The following UGP2 variants were observed in gnomAD, a reference collection of about 807,000 sequenced individuals.
UGP2 encodes UDP-glucose pyrophosphorylase 2.
Under a neutral mutation model 49.0 loss-of-function variants are expected in UGP2, and 40 were observed. The observed-to-expected ratio is 0.82, with a 90% CI of 0.63 to 1.06. The LOEUF (loss-of-function observed/expected upper bound fraction) is 1.06. Ranked by LOEUF, UGP2 falls within the 50% of genes least tolerant of loss-of-function variation. The probability of loss-of-function intolerance (pLI) is 0.00; values close to 1 mark genes in which losing one functional copy is unlikely to be tolerated. For missense variants in UGP2, 460 were observed against 603.5 expected, an observed-to-expected ratio of 0.76 and a Z score of 2.49; for synonymous variants, 225 against 213.0, an observed-to-expected ratio of 1.06 and a Z score of -0.49.
intron 3 of UGP2, among the ~76,000 whole-genome samples, chr2:63,863,934 A>G (rs1286861334): frequency 6.6e-6 from 1 of 152,224 alleles, no homozygotes; most frequent in Non-Finnish European, 1.5e-5. Flanking sequence ...TATTTAAGAC[A>G]AGTGTCTTCA....
At chr2:63,844,010 G>A (rs1004560822) in intron 1 of UGP2, among the ~76,000 whole-genome samples, 1 of 152,184 alleles carries the variant, frequency 6.6e-6, no homozygotes, top group Non-Finnish European at 1.5e-5. Flanking sequence ...GTCCTCCTGC[G>A]TTAGCCTCCT....
At chr2:63,845,270 G>A (rs906346160) in intron 1 of UGP2, among the ~76,000 whole-genome samples, 7 of 152,160 alleles carry the variant, frequency 4.6e-5, no homozygotes, top group African/African-American at 1.4e-4. Flanking sequence ...TAAAAATTGG[G>A]CAGTAATGCT....
chr2:63,869,829 G>GT (rs1178811745), intron 3 of UGP2, among the ~76,000 whole-genome samples: 13 of 151,972 alleles, frequency 8.6e-5, no homozygotes, highest in African/African-American at 3.1e-4. Context: ...TTTTGCCTTT[G>GT]GACTGTGAGG....
At chr2:63,885,096 C>T (rs1490442624) in intron 5 of UGP2, among the ~76,000 whole-genome samples, 1 of 146,810 alleles carries the variant, frequency 6.8e-6, no homozygotes, top group East Asian at 2.1e-4. Context: ...TCCTCTTGCC[C>T]CATCACCAGC....
chr2:63,847,934 AAGTT>A (rs954637734), intron 1 of UGP2, among the ~76,000 whole-genome samples: 3 of 152,202 alleles, frequency 2.0e-5, no homozygotes, highest in African/African-American at 7.2e-5. Flanking sequence ...AGTTCTCAGA[AAGTT>A]AGCAATATTA....
chr2:63,841,482 A>G (rs770610384), upstream of UGP2, among the ~76,000 whole-genome samples: 16 of 152,000 alleles, frequency 1.1e-4, no homozygotes, highest in Non-Finnish European at 2.1e-4. Flanking sequence ...GGGGAGGGGC[A>G]GCGTAGCCTT....
At chr2:63,842,383 G>T in intron 1 of UGP2, 179 bp downstream of exon 1, 7 of 1,597,996 alleles carry the variant, frequency 4.4e-6, no homozygotes, top group Non-Finnish European at 5.9e-6. Flanking sequence ...TTCCAGACGC[G>T]TATAATTTAT....
chr2:63,843,957 A>G (rs1671755181), intron 1 of UGP2, among the ~76,000 whole-genome samples: 2 of 152,186 alleles, frequency 1.3e-5, no homozygotes, highest in Non-Finnish European at 2.9e-5. Flanking sequence ...ATTCACAGGA[A>G]CAATCATAGT....
intron 1 of UGP2, among the ~76,000 whole-genome samples, chr2:63,851,971 T>C (rs1446451464): frequency 1.3e-5 from 2 of 152,166 alleles, no homozygotes; most frequent in Admixed American, 1.3e-4. Flanking sequence ...AAATACTATC[T>C]TTTCTCATGT....
At chr2:63,865,272 G>A (rs1670104894) in intron 3 of UGP2, among the ~76,000 whole-genome samples, 1 of 152,160 alleles carries the variant, frequency 6.6e-6, no homozygotes, top group African/African-American at 2.4e-5. Flanking sequence ...AATGTAAGAG[G>A]CCGTTTAGTT....
chr2:63,853,505 T>A (rs1669175004), intron 1 of UGP2, among the ~76,000 whole-genome samples: 1 of 152,138 alleles, frequency 6.6e-6, no homozygotes, highest in African/African-American at 2.4e-5. Context: ...TGAGTATCTC[T>A]CATTGTGGGT....
chr2:63,859,766 C>G (rs1273612857), intron 3 of UGP2, among the ~76,000 whole-genome samples: 1 of 152,146 alleles, frequency 6.6e-6, no homozygotes, highest in Non-Finnish European at 1.5e-5. Context: ...TTAAAAGTGT[C>G]TTTATTTTGA....
At chr2:63,856,516 AAT>A in intron 2 of UGP2, 83 bp downstream of exon 2, 1 of 1,401,712 alleles carries the variant, frequency 7.1e-7, no homozygotes, top group Admixed American at 2.2e-5. Context: ...TGATGATGAT[AAT>A]CATCACCTCA....
chr2:63,889,577 CG>C (rs1345131765), intron 8 of UGP2: 1 of 152,166 alleles, frequency 6.6e-6, no homozygotes. Flanking sequence ...AAATAGGAAA[CG>C]GGGTCACATA....
chr2:63,875,759 T>A (rs999897371), intron 3 of UGP2, among the ~76,000 whole-genome samples: 2 of 152,210 alleles, frequency 1.3e-5, no homozygotes, highest in Non-Finnish European at 2.9e-5. Context: ...GCCAGGAGCC[T>A]CATGCGGTTT....
At chr2:63,873,475 C>T (rs1670698187) in intron 3 of UGP2, among the ~76,000 whole-genome samples, 1 of 152,048 alleles carries the variant, frequency 6.6e-6, no homozygotes, top group Non-Finnish European at 1.5e-5. Flanking sequence ...TGTAAGCAAA[C>T]ATTTTGTTTT....
rs779090152 is a variant in UGP2, at chr2:63,887,502, G to A, written c.1172G>A (p.Arg391His). 4.3e-6 allele frequency: 7 copies of A among 1,613,902 alleles called. No individual in the cohort carries two copies. Among genetic ancestry groups the A allele is most frequent in the Non-Finnish European group, 5.1e-6 (6 of 1,180,004 alleles). ...NSLGINVPRS[R>H]FLPVKTTSDL... ...CTAGGTATTAATGTGCCAAGGAGCC[G>A]TTTTCTGCCTGTCAAAACCACATCA... Residue 391 changes from arginine to histidine, a missense_variant, in exon 8 of 10, where the codon CGT becomes CAT. Physicochemically the swap from Arg to His is conservative, Grantham distance 29. Coordinates refer to ENST00000337130, the MANE Select transcript of UGP2 (RefSeq NM_006759.4).
intron 1 of UGP2, among the ~76,000 whole-genome samples, chr2:63,852,847 A>T (rs773046035): frequency 6.6e-6 from 1 of 152,188 alleles, no homozygotes; most frequent in African/African-American, 2.4e-5. Context: ...CTTAGTTTCT[A>T]CGGAAATGTT....
At chr2:63,860,207 G>GTAACATTTCTC (rs1553462646) in intron 3 of UGP2, among the ~76,000 whole-genome samples, 40 of 152,170 alleles carry the variant, frequency 2.6e-4, no homozygotes, top group Non-Finnish European at 5.0e-4. Context: ...GCCATTTAGA[G>GTAACATTTCTC]TAACATTTCT....
Sources: gnomAD v4.1 joint callset for allele counts (sites outside exome capture counted in the v4.1 genomes callset) on GRCh38, gnomAD v4.1.1 for gene constraint, MANE v1.5 for transcripts, NCBI Gene and HGNC (gene_info 2026-07-23, HGNC 2026-07-21) for gene names.